The following AIG1 variants were observed in gnomAD, a reference collection of about 807,000 sequenced individuals.
AIG1 encodes the protein androgen induced 1, also known as androgen-induced gene 1 protein.
A neutral mutation model predicts 31.4 loss-of-function variants in AIG1; 23 were observed. The ratio of observed to expected loss-of-function variants is 0.73; its 90% CI spans 0.53 to 1.04. AIG1 has a LOEUF of 1.04. AIG1 is among the 50% of genes least tolerant of loss of function. AIG1 has a pLI of 0.00. For synonymous variants in AIG1, 100 were observed against 110.5 expected, an observed-to-expected ratio of 0.90 and a Z score of 0.60; for missense variants, 274 against 295.0, an observed-to-expected ratio of 0.93 and a Z score of 0.52.
chr6:143,306,998 C>T (rs936074815), intron 4 of AIG1, among the ~76,000 whole-genome samples: 5 of 152,184 alleles, frequency 3.3e-5, no homozygotes, highest in African/African-American at 4.8e-5. Flanking sequence ...CACATCGGCT[C>T]CTGAGGCTTC....
intron 1 of AIG1, among the ~76,000 whole-genome samples, chr6:143,065,966 T>C (rs1432889116): frequency 6.6e-6 from 1 of 152,232 alleles, no homozygotes; most frequent in Non-Finnish European, 1.5e-5. Flanking sequence ...TAGGGCCGTA[T>C]CATACCCATT....
intron 4 of AIG1, among the ~76,000 whole-genome samples, chr6:143,305,086 T>G (rs1487501719): frequency 1.3e-5 from 2 of 152,208 alleles, no homozygotes; most frequent in African/African-American, 4.8e-5. Flanking sequence ...CCTTTATCAT[T>G]TTTTATTGTG....
rs1777783421 is a variant in AIG1, at chr6:143,339,866, C to T, written c.*190C>T. 4.6e-6 allele frequency: 2 copies of T among 434,698 alleles called. No homozygotes were observed. Among genetic ancestry groups the T allele is most frequent in the African/African-American group, 2.1e-5 (1 of 48,734 alleles). 26.9% of individuals were successfully genotyped at this position (434,698 alleles called of 1,614,324 possible). On this transcript the variant is annotated 3_prime_UTR_variant, in exon 6 of 6. Coordinates refer to ENST00000357847, the MANE Select transcript of AIG1 (RefSeq NM_016108.4). ...TACAGTTGTTTCCAAAAGAACTCAC[C>T]CTCACTGTGTGTTAAAGAATTCTTC...
At chr6:143,214,605 G>T (rs570121659) in intron 3 of AIG1, among the ~76,000 whole-genome samples, 1 of 152,206 alleles carries the variant, frequency 6.6e-6, no homozygotes, top group East Asian at 1.9e-4. Flanking sequence ...CCTCCTCATT[G>T]TGGCCAGAAT....
intron 3 of AIG1, among the ~76,000 whole-genome samples, chr6:143,169,822 TA>T (rs1787321197): frequency 6.6e-6 from 1 of 152,188 alleles, no homozygotes; most frequent in Admixed American, 6.6e-5. Flanking sequence ...AAATGATATT[TA>T]ATTTTATCAA....
At chr6:143,133,551 T>TG (rs78980561) in intron 1 of AIG1, among the ~76,000 whole-genome samples, 11 of 152,012 alleles carry the variant, frequency 7.2e-5, no homozygotes, top group African/African-American at 2.4e-4. Context: ...TTACTTTATG[T>TG]GGGAAAAAGG....
intron 4 of AIG1, among the ~76,000 whole-genome samples, chr6:143,315,384 A>G (rs1775657517): frequency 6.6e-6 from 1 of 152,154 alleles, no homozygotes; most frequent in African/African-American, 2.4e-5. Flanking sequence ...TTGAAGAAGA[A>G]CAAAGTAGGA....
chr6:143,113,517 C>G (rs1583216192), intron 1 of AIG1, among the ~76,000 whole-genome samples: 2 of 150,188 alleles, frequency 1.3e-5, no homozygotes, highest in Non-Finnish European at 3.0e-5. Context: ...GCAGGTGAAT[C>G]GCTTGAACTC....
intron 3 of AIG1, among the ~76,000 whole-genome samples, chr6:143,168,443 T>G (rs1583396065): frequency 7.3e-6 from 1 of 137,686 alleles, no homozygotes; most frequent in Non-Finnish European, 1.5e-5. Context: ...GTGTGTGATG[T>G]TCTCCTTCCT....
chr6:143,310,983 C>T, intron 4 of AIG1, among the ~76,000 whole-genome samples: 1 of 151,868 alleles, frequency 6.6e-6, no homozygotes, highest in East Asian at 1.9e-4. Flanking sequence ...ACATTAGGTT[C>T]AGATGGCTTC....
Position 143,339,942 on chromosome 6 carries a change from A to G in AIG1, c.*266A>G. 1 of 310,288 alleles carries G rather than the reference A, an allele frequency of 3.2e-6. No homozygotes were observed. The allele number at this position is 310,288 out of a possible 1,614,324, so 19.2% of individuals were successfully genotyped here. On this transcript the variant is annotated 3_prime_UTR_variant, in exon 6 of 6. Coordinates refer to ENST00000357847, the MANE Select transcript of AIG1 (RefSeq NM_016108.4). ...TTTTTCCTTTTCTAGTTTTAAAACC[A>G]GAATTGGACCTTGGATTTTTATTTT...
At chr6:143,263,105 T>C (rs1365520872) in intron 3 of AIG1, among the ~76,000 whole-genome samples, 1 of 152,182 alleles carries the variant, frequency 6.6e-6, no homozygotes, top group Non-Finnish European at 1.5e-5. Flanking sequence ...ATCCGATTAG[T>C]ACATCACCTT....
chr6:143,275,798 G>A (rs1228786233), intron 3 of AIG1, among the ~76,000 whole-genome samples: 1 of 152,146 alleles, frequency 6.6e-6, no homozygotes, highest in Admixed American at 6.5e-5. Context: ...ATAGTGGTTT[G>A]CCTGTCTGAG....
chr6:143,229,675 C>G (rs1793284971), intron 3 of AIG1, among the ~76,000 whole-genome samples: 1 of 151,732 alleles, frequency 6.6e-6, no homozygotes, highest in African/African-American at 2.4e-5. Context: ...TCCCCACAGA[C>G]CACACTCCAC....
Position 143,201,356 on chromosome 6 carries a change from CA to C in AIG1, c.399+36186del, listed in dbSNP as rs113253843. On this transcript the variant is annotated intron_variant, in intron 3 of 5. Transcript: ENST00000357847. Reference sequence around the variant, plus strand: ...CCTAGGTGACAAAGTGAGACTGTTTCAAAAAAAAAAAAATCTTAAAAATTAA... The same window carrying C: ...CCTAGGTGACAAAGTGAGACTGTTTCAAAAAAAAAAAATCTTAAAAATTAA... Among the ~76,000 whole-genome samples, 276 of 137,276 alleles carry C rather than the reference CA, an allele frequency of 2.0e-3. 1 individual carries two copies. Among genetic ancestry groups the C allele is most frequent in the Admixed American group, 2.9e-3 (39 of 13,662 alleles). 90.1% of individuals were successfully genotyped at this position (137,276 alleles called of 152,430 possible). A position where few individuals can be genotyped will look rare whatever the true frequency, so the allele number is the denominator to read the frequency against.
rs557096983 is a variant in AIG1, at chr6:143,256,447, T to C, written c.400-27663T>C. On this transcript the variant is annotated intron_variant, in intron 3 of 5. Coordinates refer to ENST00000357847, the MANE Select transcript of AIG1 (RefSeq NM_016108.4). This position sits in a 1 kb window ranked among gnomAD's most constrained non-coding sequence, Gnocchi z 4.6. ...TACTGTACATTATGCTACTGACTTC[T>C]TAAACTCGAACGTTGGCTGTTCATT... Among the ~76,000 whole-genome samples, 13 of 152,374 alleles carry C rather than the reference T, an allele frequency of 8.5e-5. No individual in the cohort carries two copies. In the South Asian group the frequency reaches 2.5e-3, roughly 29 times the overall value.
At chr6:143,213,030 C>T (rs1003026880) in intron 3 of AIG1, among the ~76,000 whole-genome samples, 1 of 152,162 alleles carries the variant, frequency 6.6e-6, no homozygotes, top group Non-Finnish European at 1.5e-5. Flanking sequence ...CATTGTGATC[C>T]TCAATCTTAA....
intron 3 of AIG1, among the ~76,000 whole-genome samples, chr6:143,261,361 A>G (rs1795769263): frequency 6.6e-6 from 1 of 152,076 alleles, no homozygotes; most frequent in Admixed American, 6.5e-5. Context: ...CGAACTCCTG[A>G]CCTCAGGTGA....
intron 2 of AIG1, among the ~76,000 whole-genome samples, chr6:143,153,637 G>A (rs1259563302): frequency 1.3e-5 from 2 of 152,046 alleles, no homozygotes; most frequent in Admixed American, 6.6e-5. Flanking sequence ...GTGAGCCACC[G>A]TGCCCAGCTG....
Sources: allele counts gnomAD v4.1 joint callset (sites outside exome capture counted in the v4.1 genomes callset), GRCh38; gene constraint gnomAD v4.1.1; non-coding constraint Gnocchi (gnomAD v3.1); transcripts MANE v1.5; gene names NCBI Gene and HGNC (gene_info 2026-07-23, HGNC 2026-07-21).